Variants in SLC26A4 observed in about 807,000 individuals in gnomAD.
SLC26A4 encodes the protein pendrin.
Under a neutral mutation model 90.4 loss-of-function variants are expected in SLC26A4, and 93 were observed. The ratio of observed to expected loss-of-function variants is 1.03; its 90% confidence interval spans 0.87 to 1.22. The LOEUF (loss-of-function observed/expected upper bound fraction) is 1.22. Among genes scored for constraint, SLC26A4 ranks in the 50% most tolerant of loss-of-function variants. The probability of loss-of-function intolerance (pLI) is 0.00; values close to 1 mark genes in which losing one functional copy is unlikely to be tolerated. For synonymous variants in SLC26A4, 393 were observed against 354.6 expected (o/e 1.11, Z -1.22); for missense variants, 1,127 against 946.2 (o/e 1.19, Z -2.51).
At chr7:107,679,800 A>G (rs561868997) in intron 6 of SLC26A4, among the ~76,000 whole-genome samples, 136 of 147,038 alleles carry the variant, frequency 9.2e-4, no homozygotes, top group African/African-American at 3.1e-3. Context: ...GTCGTTAAAT[A>G]TAATCTTATA....
At chr7:107,703,147 G>A (rs1478030278) in intron 17 of SLC26A4, among the ~76,000 whole-genome samples, 2 of 152,188 alleles carry the variant, frequency 1.3e-5, no homozygotes, top group Non-Finnish European at 2.9e-5. Flanking sequence ...GGAGGAGAAG[G>A]CAAACATTAA....
intron 8 of SLC26A4, among the ~76,000 whole-genome samples, chr7:107,688,257 A>C (rs1436911652): frequency 1.3e-5 from 2 of 152,196 alleles, no homozygotes; most frequent in African/African-American, 4.8e-5. Context: ...GGGAAAATGT[A>C]GTTTCCTTAT....
intron 18 of SLC26A4, among the ~76,000 whole-genome samples, chr7:107,706,608 G>C (rs111452703): frequency 0.025 from 3,762 of 152,270 alleles, 153 homozygotes; most frequent in African/African-American, 0.085. Flanking sequence ...TCCCAGGAAG[G>C]AACGACTTTT....
chr7:107,711,755 T>A (rs988546670), intron 19 of SLC26A4, among the ~76,000 whole-genome samples: 1 of 152,204 alleles, frequency 6.6e-6, no homozygotes, highest in African/African-American at 2.4e-5. Context: ...CCCTTTATTT[T>A]ACCATCACAG....
chr7:107,680,489 A>G (rs1791203818), intron 6 of SLC26A4, among the ~76,000 whole-genome samples: 3 of 146,554 alleles, frequency 2.0e-5, no homozygotes, highest in East Asian at 3.9e-4. Context: ...ATATTATTAT[A>G]TAATATTATT....
rs1271159007 is a variant in SLC26A4, at chr7:107,680,277, A to AATATAATCTTATATTATT, written c.766-2913_766-2912insATTATTATATAATCTTAT. 8.6e-4 allele frequency among the ~76,000 whole-genome samples: 82 copies of AATATAATCTTATATTATT among 94,988 alleles called. 2 individuals carry two copies. The highest frequency in any genetic ancestry group is 3.6e-3 in the African/African-American group (73 of 20,182). 62.3% of individuals were successfully genotyped at this position (94,988 alleles called of 152,430 possible). On this transcript the variant is annotated intron_variant, in intron 6 of 20. Coordinates refer to ENST00000644269, the MANE Select transcript of SLC26A4 (RefSeq NM_000441.2). The stretch of plus-strand genomic sequence containing the variant: ...ATTATATAATCTTATCTTATTATAT[A>AATATAATCTTATATTATT]ATATAATCTTATCTTATTATATAAT...
At chr7:107,663,650 GAGGCATATACT>G (rs1457375158) in intron 3 of SLC26A4, among the ~76,000 whole-genome samples, 4 of 152,104 alleles carry the variant, frequency 2.6e-5, no homozygotes, top group African/African-American at 9.7e-5. Flanking sequence ...GTCCAATTTA[GAGGCATATACT>G]AGGCAGTGGC....
In SLC26A4 at chr7:107,704,534, C is replaced by T. The variant is rs2129318841; in HGVS notation, c.2089+149C>T. Reference sequence around the variant, plus strand: ...CATTATTTGCAGTTCTGGAATCTGGCACTGCTTCATTCCATAAAACAGAAT... The same window carrying T: ...CATTATTTGCAGTTCTGGAATCTGGTACTGCTTCATTCCATAAAACAGAAT... On this transcript the variant is annotated intron_variant, in intron 18 of 20. Transcript: ENST00000644269. The T allele has an allele frequency of 3.4e-5, 20 of 587,186 alleles. No homozygotes were observed. The South Asian group carries it at 3.8e-4, about 11-fold the overall frequency. The allele number at this position is 587,186 out of a possible 1,614,324, so 36.4% of individuals were successfully genotyped here.
intron 18 of SLC26A4, among the ~76,000 whole-genome samples, chr7:107,709,065 A>T (rs968946770): frequency 2.0e-5 from 3 of 152,172 alleles, no homozygotes; most frequent in African/African-American, 7.2e-5. Flanking sequence ...CAGTGAGGGG[A>T]GCAGGATAGG....
At chr7:107,674,422 A>C (rs941927452) in intron 5 of SLC26A4, 74 bp downstream of exon 5, 27 of 1,163,254 alleles carry the variant, frequency 2.3e-5, no homozygotes, top group Non-Finnish European at 3.2e-5. Context: ...TATAGACTTA[A>C]AGATTCTACT....
Position 107,674,203 on chromosome 7 carries a change from T to C in SLC26A4, c.455T>C (p.Val152Ala). ...PVVSLMVGSV[V>A]LSMAPDEHFL... is the part of the protein sequence containing the mutation. ...GTGAGTTTAATGGTGGGATCTGTTG[T>C]TCTGAGCATGGCCCCCGACGAACAC... The change falls in exon 5 of 21, where the codon GTT (valine) becomes GCT (alanine). Residue 152 changes from valine to alanine, a missense_variant. Val to Ala is a moderately conservative substitution (Grantham distance 64). Transcript: ENST00000644269. 1 of 1,614,198 alleles carries C rather than the reference T, an allele frequency of 6.2e-7. No homozygotes were observed. Among genetic ancestry groups the C allele is most frequent in the Non-Finnish European group, 8.5e-7 (1 of 1,180,034 alleles).
At chr7:107,667,047 G>A (rs182672930) in intron 3 of SLC26A4, among the ~76,000 whole-genome samples, 10 of 152,226 alleles carry the variant, frequency 6.6e-5, no homozygotes, top group African/African-American at 1.4e-4. Context: ...TTGAGCAACC[G>A]GATAGATCAT....
At chr7:107,663,809 C>A (rs888926170) in intron 3 of SLC26A4, among the ~76,000 whole-genome samples, 4 of 152,142 alleles carry the variant, frequency 2.6e-5, no homozygotes, top group East Asian at 3.9e-4. Context: ...TCAGCCTCCC[C>A]AGTAGCTGGG....
intron 6 of SLC26A4, among the ~76,000 whole-genome samples, chr7:107,675,854 G>A (rs1791011611): frequency 6.6e-6 from 1 of 151,478 alleles, no homozygotes; most frequent in Non-Finnish European, 1.5e-5. Flanking sequence ...TTACAGGCGT[G>A]AGCCACCGCG....
At chr7:107,682,555 T>C (rs1394455151) in intron 6 of SLC26A4, among the ~76,000 whole-genome samples, 6 of 152,124 alleles carry the variant, frequency 3.9e-5, no homozygotes, top group Non-Finnish European at 8.8e-5. Flanking sequence ...TATTTTAGGA[T>C]TTTTTGTAAT....
intron 6 of SLC26A4, 82 bp downstream of exon 6, chr7:107,675,191 C>A: frequency 1.4e-5 from 18 of 1,332,790 alleles, no homozygotes; most frequent in Non-Finnish European, 1.9e-5. Flanking sequence ...CTGGGCCAGG[C>A]GTGGTGGCTC....
chr7:107,693,258 G>A, intron 10 of SLC26A4: 1 of 982,046 alleles, frequency 1.0e-6, no homozygotes. Context: ...TGGGAATCTA[G>A]GATGGGGATA....
At position 107,715,528 on chromosome 7, in the gene SLC26A4, A is replaced by G. The variant is rs942695854; in HGVS notation, c.*82A>G. 2 of 1,004,430 alleles carry G rather than the reference A, an allele frequency of 2.0e-6. No individual in the cohort carries two copies. The highest frequency in any genetic ancestry group is 3.2e-5 in the African/African-American group (2 of 63,232). The allele number at this position is 1,004,430 out of a possible 1,614,324, so 62.2% of individuals were successfully genotyped here. ...CATTGACTATTTCTTCAGACTCAAA[A>G]CACTCATTCTTTTTTCTATTAAGCC... On this transcript the variant is annotated 3_prime_UTR_variant, in exon 21 of 21. Coordinates refer to ENST00000644269, the MANE Select transcript of SLC26A4 (RefSeq NM_000441.2).
At chr7:107,668,791 G>A (rs1044916462) in intron 3 of SLC26A4, among the ~76,000 whole-genome samples, 7 of 152,042 alleles carry the variant, frequency 4.6e-5, no homozygotes, top group African/African-American at 9.7e-5. Context: ...GTGACAGCCC[G>A]TCACCTTGCT....
Sources: gnomAD v4.1 joint callset for allele counts (sites outside exome capture counted in the v4.1 genomes callset) on GRCh38, gnomAD v4.1.1 for gene constraint, MANE v1.5 for transcripts, NCBI Gene and HGNC (gene_info 2026-07-23, HGNC 2026-07-21) for gene names.